Variants in DAB1 observed in about 807,000 individuals in gnomAD.
The protein encoded by DAB1 is disabled homolog 1.
DAB1 carries 15 observed loss-of-function variants against 64.6 expected under a neutral mutation model. The ratio of observed to expected loss-of-function variants is 0.23; its 90% CI spans 0.16 to 0.36. The LOEUF (loss-of-function observed/expected upper bound fraction) is 0.36, where lower values mean the gene tolerates loss of function less well. DAB1 is among the 10% of genes least tolerant of loss of function. The pLI is 1.00. For synonymous variants in DAB1, 235 were observed against 251.9 expected (o/e 0.93, Z 0.64); for missense variants, 596 against 706.7 (o/e 0.84, Z 1.78).
At chr1:58,138,315 A>G (rs1654063312) in intron 5 of DAB1, among the ~76,000 whole-genome samples, 1 of 152,192 alleles carries the variant, frequency 6.6e-6, no homozygotes, top group African/African-American at 2.4e-5. Flanking sequence ...CTTCAAACTA[A>G]CACTAGAATA....
intron 5 of DAB1, among the ~76,000 whole-genome samples, chr1:58,132,001 T>C (rs992586419): frequency 7.9e-5 from 12 of 152,186 alleles, no homozygotes; most frequent in African/African-American, 2.4e-4. Flanking sequence ...TCGAGCTTCC[T>C]GGCTGCTTTC....
intron 7 of DAB1, among the ~76,000 whole-genome samples, chr1:57,445,006 A>G (rs1302445700): frequency 6.6e-6 from 1 of 152,236 alleles, no homozygotes; most frequent in Non-Finnish European, 1.5e-5. Context: ...TACATTCATC[A>G]TTATATAGAA....
At chr1:57,813,785 C>T (rs1228809379) in intron 6 of DAB1, among the ~76,000 whole-genome samples, 1 of 152,162 alleles carries the variant, frequency 6.6e-6, no homozygotes. Context: ...GGTAGAGAAT[C>T]GAAGATGGGA....
chr1:57,676,882 C>A (rs1038714144), intron 6 of DAB1, among the ~76,000 whole-genome samples: 1 of 152,114 alleles, frequency 6.6e-6, no homozygotes, highest in Non-Finnish European at 1.5e-5. Flanking sequence ...CTGATTCTCT[C>A]AAGGGGAACT....
intron 9 of DAB1, among the ~76,000 whole-genome samples, chr1:57,062,055 T>G (rs933606718): frequency 5.9e-5 from 9 of 152,220 alleles, no homozygotes; most frequent in African/African-American, 1.9e-4. Context: ...GCCTGAATTA[T>G]GTATAGAGGT....
At chr1:57,216,538 G>A (rs1666440477) in intron 2 of DAB1, among the ~76,000 whole-genome samples, 1 of 152,118 alleles carries the variant, frequency 6.6e-6, no homozygotes, top group African/African-American at 2.4e-5. Context: ...ATGAGAGGTT[G>A]CCAGTTTTGG....
chr1:57,935,747 C>A (rs749893739), intron 5 of DAB1, among the ~76,000 whole-genome samples: 13 of 152,018 alleles, frequency 8.6e-5, no homozygotes, highest in East Asian at 3.9e-4. Context: ...ACAACAACAA[C>A]AAAAAACGAG....
intron 1 of DAB1, among the ~76,000 whole-genome samples, chr1:57,307,818 T>C (rs17115587): frequency 0.022 from 3,415 of 152,142 alleles, 99 homozygotes; most frequent in East Asian, 0.086. Context: ...CCATACTCTC[T>C]TCCCTGTCAA....
intron 5 of DAB1, among the ~76,000 whole-genome samples, chr1:58,060,463 C>T (rs1301527570): frequency 1.3e-5 from 2 of 152,190 alleles, no homozygotes; most frequent in Non-Finnish European, 2.9e-5. Flanking sequence ...GGAAAACTCG[C>T]CTCACATTTC....
chr1:57,161,086 C>T (rs951610233), intron 2 of DAB1, among the ~76,000 whole-genome samples: 3 of 152,124 alleles, frequency 2.0e-5, no homozygotes, highest in Admixed American at 1.3e-4. Context: ...TAGTGTCCTA[C>T]AGCAAATCTT....
chr1:57,610,355 A>G (rs911346828), intron 7 of DAB1, among the ~76,000 whole-genome samples: 1 of 152,172 alleles, frequency 6.6e-6, no homozygotes, highest in Non-Finnish European at 1.5e-5. Context: ...AGCACTGTAC[A>G]CATGTTGATT....
intron 5 of DAB1, among the ~76,000 whole-genome samples, chr1:58,118,206 C>A (rs2797611): frequency 0.48 from 72,822 of 150,726 alleles, 20,027 homozygotes; most frequent in Non-Finnish European, 0.64. Flanking sequence ...CCACCGCACC[C>A]GGTCAGGCCT....
intron 7 of DAB1, among the ~76,000 whole-genome samples, chr1:57,541,325 T>G (rs1365852033): frequency 6.6e-6 from 1 of 152,082 alleles, no homozygotes; most frequent in East Asian, 1.9e-4. Flanking sequence ...GAGATGGGGT[T>G]TCACCGTGTT....
At chr1:57,136,770 C>T in intron 3 of DAB1, 129 bp from the exon 4 acceptor site, 1 of 466,332 alleles carries the variant, frequency 2.1e-6, no homozygotes, top group African/African-American at 2.0e-5. Flanking sequence ...TTCGCACTTC[C>T]ATATTTCTCT....
At chr1:58,213,864 C>T (rs1404073487) in intron 4 of DAB1, among the ~76,000 whole-genome samples, 1 of 152,134 alleles carries the variant, frequency 6.6e-6, no homozygotes, top group Non-Finnish European at 1.5e-5. Flanking sequence ...CCCATGCCTG[C>T]CCACTGGAAT....
chr1:57,691,365 C>G (rs1434769191), intron 6 of DAB1, among the ~76,000 whole-genome samples: 1 of 152,106 alleles, frequency 6.6e-6, no homozygotes, highest in Non-Finnish European at 1.5e-5. Flanking sequence ...ACTCTGTAAA[C>G]TGGACCTATC....
At chr1:58,143,232 GT>G (rs1051597370) in intron 5 of DAB1, among the ~76,000 whole-genome samples, 1 of 152,096 alleles carries the variant, frequency 6.6e-6, no homozygotes, top group Non-Finnish European at 1.5e-5. Flanking sequence ...GAATGGAAGT[GT>G]TTACATGACA....
intron 6 of DAB1, among the ~76,000 whole-genome samples, chr1:57,807,685 AT>A (rs1397480450): frequency 7.9e-5 from 12 of 151,686 alleles, no homozygotes; most frequent in Admixed American, 2.0e-4. Flanking sequence ...TATATTAAAA[AT>A]TTTTTTTCAA....
chr1:57,472,913 A>G (rs1195021551), intron 7 of DAB1, among the ~76,000 whole-genome samples: 1 of 152,192 alleles, frequency 6.6e-6, no homozygotes, highest in East Asian at 1.9e-4. Context: ...AAAATGCACT[A>G]AAATCTTTCT....
Sources: gnomAD v4.1 joint callset for allele counts (sites outside exome capture counted in the v4.1 genomes callset) on GRCh38, gnomAD v4.1.1 for gene constraint, MANE v1.5 for transcripts, NCBI Gene and HGNC (gene_info 2026-07-23, HGNC 2026-07-21) for gene names.